Variants in RHOH observed in about 807,000 individuals in gnomAD.
RHOH encodes the protein ras homolog family member H.
RHOH carries 6 observed loss-of-function variants against 13.8 expected under a neutral mutation model. The ratio of observed to expected loss-of-function variants is 0.44; its 90% confidence interval spans 0.24 to 0.86. The LOEUF (loss-of-function observed/expected upper bound fraction) is 0.86. Ranked by LOEUF, RHOH falls within the 40% of genes least tolerant of loss-of-function variation. The pLI, the probability that RHOH is intolerant of heterozygous loss-of-function variation, is 0.24. For missense variants in RHOH, 147 were observed against 244.5 expected (o/e 0.60, Z 2.66); for synonymous variants, 117 against 103.0 (o/e 1.14, Z -0.82).
chr4:40,196,149 T>C (rs1723111801), upstream of RHOH, among the ~76,000 whole-genome samples: 1 of 152,134 alleles, frequency 6.6e-6, no homozygotes. Flanking sequence ...ACTCAAATCT[T>C]TGAGTGTGGG....
chr4:40,214,449 T>G (rs1001714086), intron 1 of RHOH, among the ~76,000 whole-genome samples: 7 of 152,196 alleles, frequency 4.6e-5, no homozygotes, highest in African/African-American at 1.7e-4. Flanking sequence ...TTTACTATAT[T>G]GCCCAGACTG....
chr4:40,231,757 C>T lies in RHOH; in HGVS notation c.-330-10957C>T, dbSNP rs60273651. Among the ~76,000 whole-genome samples the T allele has an allele frequency of 1.2e-3, 182 of 152,056 alleles. 1 individual carries two copies. The highest frequency in any genetic ancestry group is 4.3e-3 in the African/African-American group (179 of 41,450). On this transcript the variant is annotated intron_variant, in intron 1 of 2. Coordinates refer to ENST00000381799, the MANE Select transcript of RHOH (RefSeq NM_004310.5). ...TCCTTGATCCCAACGGCAGGAGCCT[C>T]CCACTTGCCTCTTTGGTCTTTCCCA...
chr4:40,242,945 T>TTG lies in RHOH; in HGVS notation c.-210+161_-210+162dup, dbSNP rs58807335. On this transcript the variant is annotated intron_variant, in intron 2 of 2. Coordinates refer to ENST00000381799, the MANE Select transcript of RHOH (RefSeq NM_004310.5). ...CTTCTGCTTCTTGACCGGGAGGCAT[T>TTG]TGTGTGTGTGTGTGTGTGTGTGTGT... is the stretch of plus-strand genomic sequence containing the variant. 926 of 143,676 alleles carry TTG rather than the reference T, an allele frequency of 6.4e-3. 6 individuals carry two copies. Among genetic ancestry groups the TTG allele is most frequent in the African/African-American group, 0.016 (589 of 37,574 alleles). The allele number at this position is 143,676 out of a possible 1,614,324, so 8.9% of individuals were successfully genotyped here. A position where few individuals can be genotyped will look rare whatever the true frequency, so the allele number is the denominator to read the frequency against.
At chr4:40,214,030 T>G (rs1725595480) in intron 1 of RHOH, among the ~76,000 whole-genome samples, 2 of 152,216 alleles carry the variant, frequency 1.3e-5, no homozygotes, top group Admixed American at 1.3e-4. Context: ...GTGTTGGGAT[T>G]ACAGGTGTGA....
chr4:40,194,598 A>G (rs1339591049), upstream of RHOH, among the ~76,000 whole-genome samples: 1 of 151,804 alleles, frequency 6.6e-6, no homozygotes, highest in African/African-American at 2.4e-5. Flanking sequence ...CTGGTCTTGG[A>G]CTCCTGGGCT....
intron 1 of RHOH, among the ~76,000 whole-genome samples, chr4:40,197,759 C>T (rs1457025030): frequency 6.6e-6 from 1 of 152,132 alleles, no homozygotes; most frequent in Non-Finnish European, 1.5e-5. Flanking sequence ...GTGTTTTTCA[C>T]CTATTGCCAA....
intron 1 of RHOH, among the ~76,000 whole-genome samples, chr4:40,239,572 C>T (rs996976148): frequency 2.6e-5 from 4 of 152,178 alleles, no homozygotes; most frequent in Admixed American, 1.3e-4. Flanking sequence ...TTATATTATG[C>T]ACCTGCTAAG....
At chr4:40,238,669 G>A (rs1728876855) in intron 1 of RHOH, among the ~76,000 whole-genome samples, 1 of 152,176 alleles carries the variant, frequency 6.6e-6, no homozygotes, top group African/African-American at 2.4e-5. Context: ...TGGAGACCCC[G>A]GAGGCTCTGG....
chr4:40,194,976 G>A (rs1722974393), upstream of RHOH, among the ~76,000 whole-genome samples: 1 of 152,184 alleles, frequency 6.6e-6, no homozygotes, highest in South Asian at 2.1e-4. Context: ...GAGCCAGGAA[G>A]ACCTCATGAT....
chr4:40,224,837 C>T (rs1466782681), intron 1 of RHOH, among the ~76,000 whole-genome samples: 1 of 152,232 alleles, frequency 6.6e-6, no homozygotes, highest in Non-Finnish European at 1.5e-5. Context: ...AAGGAGAATG[C>T]AAACTACAAA....
chr4:40,225,871 G>A (rs1459109161), intron 1 of RHOH, among the ~76,000 whole-genome samples: 1 of 152,150 alleles, frequency 6.6e-6, no homozygotes, highest in East Asian at 1.9e-4. Context: ...GACTGCCAGA[G>A]TCTGAACCCC....
chr4:40,221,352 C>T (rs1726549874), intron 1 of RHOH, among the ~76,000 whole-genome samples: 1 of 152,190 alleles, frequency 6.6e-6, no homozygotes, highest in Non-Finnish European at 1.5e-5. Flanking sequence ...TTTGATTGCG[C>T]TCCACAGATA....
chr4:40,223,466 C>CA (rs1430963466), intron 1 of RHOH, among the ~76,000 whole-genome samples: 1 of 94,472 alleles, frequency 1.1e-5, no homozygotes, highest in Admixed American at 1.2e-4. Context: ...TGATTGTTAG[C>CA]TTTTTTTTTT....
In RHOH at chr4:40,207,205, C is replaced by CA. The variant is rs568521139; in HGVS notation, c.-331+9920dup. Among the ~76,000 whole-genome samples, 449 of 109,638 alleles carry CA rather than the reference C, an allele frequency of 4.1e-3. 1 individual carries two copies. Among genetic ancestry groups the CA allele is most frequent in the South Asian group, 0.021 (74 of 3,524 alleles). 71.9% of individuals were successfully genotyped at this position (109,638 alleles called of 152,430 possible). ...CAGACAACAGACTGAGACTCCATCT[C>CA]AAAAAAAAAAAAAAAGTCATCATCC... On this transcript the variant is annotated intron_variant, in intron 1 of 2. Coordinates refer to ENST00000381799, the MANE Select transcript of RHOH (RefSeq NM_004310.5).
intron 1 of RHOH, among the ~76,000 whole-genome samples, chr4:40,239,125 A>G (rs986752403): frequency 6.6e-6 from 1 of 152,204 alleles, no homozygotes; most frequent in Non-Finnish European, 1.5e-5. Context: ...ACTGCCGCAC[A>G]ATGATGCGGT....
intron 1 of RHOH, among the ~76,000 whole-genome samples, chr4:40,205,519 T>A (rs188222791): frequency 1.6e-4 from 25 of 152,366 alleles, no homozygotes; most frequent in African/African-American, 6.0e-4. Context: ...CTGTGTAGCC[T>A]TTTGATCACA....
chr4:40,229,020 C>G (rs990895250), intron 1 of RHOH, among the ~76,000 whole-genome samples: 6 of 152,148 alleles, frequency 3.9e-5, no homozygotes, highest in African/African-American at 1.4e-4. Flanking sequence ...CCTCCTTTGG[C>G]CTCCTTTGGC....
chr4:40,243,161 T>G lies in RHOH; in HGVS notation c.-209-17T>G. The G allele has an allele frequency of 2.3e-6, 1 of 437,516 alleles. No individual in the cohort carries two copies. Among genetic ancestry groups the G allele is most frequent in the Non-Finnish European group, 4.1e-6 (1 of 245,230 alleles). 27.1% of individuals were successfully genotyped at this position (437,516 alleles called of 1,614,324 possible). On this transcript the variant is annotated splice_polypyrimidine_tract_variant and intron_variant, in intron 2 of 2. Coordinates refer to ENST00000381799, the MANE Select transcript of RHOH (RefSeq NM_004310.5). The surrounding 1 kb of genome is among the most constrained non-coding windows in gnomAD (Gnocchi z 6.2). ...AGAAAGAAAGACTTCATTTTCCCCCTTCTCTTTCTGTTCCAGTTGAAGACT... is the reference window on the plus strand; with the variant it reads ...AGAAAGAAAGACTTCATTTTCCCCCGTCTCTTTCTGTTCCAGTTGAAGACT...
intron 1 of RHOH, among the ~76,000 whole-genome samples, chr4:40,216,058 G>A (rs890457636): frequency 2.6e-5 from 4 of 151,224 alleles, no homozygotes; most frequent in South Asian, 4.2e-4. Context: ...CTTTTTCATC[G>A]CCATTTCTTT....
Sources: gnomAD v4.1 joint callset for allele counts (sites outside exome capture counted in the v4.1 genomes callset) on GRCh38, gnomAD v4.1.1 for gene constraint, Gnocchi (gnomAD v3.1) non-coding constraint, MANE v1.5 for transcripts, NCBI Gene and HGNC (gene_info 2026-07-23, HGNC 2026-07-21) for gene names.